Variants in ACOXL observed in about 807,000 individuals in gnomAD.
ACOXL encodes the protein acyl-coenzyme A oxidase-like protein.
In ACOXL, 70 loss-of-function variants were observed where a neutral mutation model predicts 71.9. The observed-to-expected ratio is 0.97, with a 90% CI of 0.80 to 1.19. The LOEUF is 1.19. ACOXL is among the 50% of genes most tolerant of loss of function. The pLI, the probability that ACOXL is intolerant of heterozygous loss-of-function variation, is 0.00. For synonymous variants in ACOXL, 253 were observed against 281.6 expected (o/e 0.90, Z 1.02); for missense variants, 703 against 736.3 (o/e 0.95, Z 0.52).
chr2:110,885,042 A>G (rs1304920513), intron 10 of ACOXL, among the ~76,000 whole-genome samples: 1 of 152,156 alleles, frequency 6.6e-6, no homozygotes, highest in Non-Finnish European at 1.5e-5. Context: ...AAAAATAATT[A>G]TGTGTGTGGT....
chr2:110,882,666 A>G (rs909218410), intron 10 of ACOXL, among the ~76,000 whole-genome samples: 3 of 152,132 alleles, frequency 2.0e-5, no homozygotes, highest in African/African-American at 2.4e-5. Context: ...AGTGTAAGGT[A>G]TGGGTCAAAA....
chr2:110,998,013 T>G (rs1469980028), intron 14 of ACOXL, among the ~76,000 whole-genome samples: 1 of 149,888 alleles, frequency 6.7e-6, no homozygotes, highest in Non-Finnish European at 1.5e-5. Context: ...ATCACACCAC[T>G]GCACTCCAGC....
intron 11 of ACOXL, among the ~76,000 whole-genome samples, chr2:110,924,407 A>AT (rs1367427104): frequency 4.6e-5 from 7 of 152,272 alleles, no homozygotes; most frequent in Admixed American, 1.3e-4. Context: ...CCACAGCAGA[A>AT]TTTTTTTCCA....
chr2:110,809,077 T>A (rs1462174124), intron 9 of ACOXL, among the ~76,000 whole-genome samples: 2 of 152,244 alleles, frequency 1.3e-5, no homozygotes, highest in Non-Finnish European at 2.9e-5. Context: ...TGCTCCCACA[T>A]ACCAGCCCCC....
At chr2:111,088,162 A>C (rs930948060) in intron 16 of ACOXL, among the ~76,000 whole-genome samples, 1 of 152,252 alleles carries the variant, frequency 6.6e-6, no homozygotes, top group Non-Finnish European at 1.5e-5. Flanking sequence ...GCAAGGTTGC[A>C]GAGAAAAAGG....
In ACOXL at chr2:110,933,636, A is replaced by G; in HGVS notation, c.1053A>G (p.Gly351=). ...TGCAGGACTGCCGCGAGTGCACTGG[A>G]GGCATGGTGAGCCCCAAGGCCTGCA... ...RCLQDCRECT[G]GMVVGRELLA... The change falls in exon 12 of 18, where the codon GGA becomes GGG. Residue 351 remains glycine (G), a synonymous_variant. Coordinates refer to ENST00000439055, the MANE Select transcript of ACOXL (RefSeq NM_001142807.4). 6.2e-7 allele frequency: 1 copy of G among 1,610,444 alleles called. No homozygotes were observed. Among genetic ancestry groups the G allele is most frequent in the Non-Finnish European group, 8.5e-7 (1 of 1,178,730 alleles).
At chr2:110,781,894 A>G (rs1011379171) in intron 2 of ACOXL, among the ~76,000 whole-genome samples, 1 of 152,118 alleles carries the variant, frequency 6.6e-6, no homozygotes, top group African/African-American at 2.4e-5. Flanking sequence ...GAAAACATAC[A>G]TTTTTTCAGA....
At chr2:111,117,566 G>A (rs1274459705) in intron 17 of ACOXL, 50 bp from the exon 18 acceptor site, 2 of 1,540,086 alleles carry the variant, frequency 1.3e-6, no homozygotes, top group Non-Finnish European at 1.8e-6. Flanking sequence ...TCACTAGATG[G>A]CTGTAAGTGT....
intron 12 of ACOXL, among the ~76,000 whole-genome samples, chr2:110,953,636 A>G (rs1322406325): frequency 6.6e-6 from 1 of 152,130 alleles, no homozygotes; most frequent in Non-Finnish European, 1.5e-5. Flanking sequence ...TTGTCAGTGT[A>G]TTCGTCCATT....
chr2:110,941,573 T>C (rs982749107), intron 12 of ACOXL, among the ~76,000 whole-genome samples: 2 of 152,122 alleles, frequency 1.3e-5, no homozygotes, highest in Non-Finnish European at 2.9e-5. Flanking sequence ...ATAATTTCTA[T>C]CTCCTATATC....
chr2:111,050,826 T>G (rs1167119773), intron 16 of ACOXL, among the ~76,000 whole-genome samples: 2 of 152,190 alleles, frequency 1.3e-5, no homozygotes, highest in East Asian at 3.8e-4. Flanking sequence ...CTGAGTTTCT[T>G]CACATCTAGA....
At chr2:110,968,261 C>CGG (rs2062019774) in intron 12 of ACOXL, 1 of 1,154,844 alleles carries the variant, frequency 8.7e-7, no homozygotes, top group Admixed American at 1.7e-5. Context: ...AGTGCCTTTA[C>CGG]CTGCTATTTG....
chr2:111,038,425 C>T lies in ACOXL; in HGVS notation c.1369+6711C>T, dbSNP rs1473012537. Among the ~76,000 whole-genome samples, 11 of 152,198 alleles carry T rather than the reference C, an allele frequency of 7.2e-5. No homozygotes were observed. The East Asian group carries it at 2.1e-3, about 29-fold the overall frequency. On this transcript the variant is annotated intron_variant, in intron 15 of 17. Coordinates refer to ENST00000439055, the MANE Select transcript of ACOXL (RefSeq NM_001142807.4). Reference sequence around the variant, plus strand: ...CCACTTTTTAAATGTGTTTTCGCTCCTTTGTTTCCCACTCTGTGATCAAAA... The same window carrying T: ...CCACTTTTTAAATGTGTTTTCGCTCTTTTGTTTCCCACTCTGTGATCAAAA...
At chr2:110,763,363 A>G (rs1425238192) in intron 1 of ACOXL, among the ~76,000 whole-genome samples, 1 of 152,268 alleles carries the variant, frequency 6.6e-6, no homozygotes, top group Admixed American at 6.5e-5. Flanking sequence ...CAGAATAGAA[A>G]GTCCAGAAAT....
intron 15 of ACOXL, among the ~76,000 whole-genome samples, chr2:111,037,233 C>G (rs764186972): frequency 1.3e-5 from 2 of 152,060 alleles, no homozygotes; most frequent in Non-Finnish European, 2.9e-5. Flanking sequence ...TAAGAAGACC[C>G]CAAATGCTGT....
intron 7 of ACOXL, among the ~76,000 whole-genome samples, chr2:110,800,012 G>T (rs1045770144): frequency 6.6e-6 from 1 of 152,166 alleles, no homozygotes; most frequent in Admixed American, 6.5e-5. Context: ...TGTAAAAAGG[G>T]CACTCTGATA....
At chr2:110,741,377 G>A (rs1471771372) in intron 1 of ACOXL, among the ~76,000 whole-genome samples, 1 of 152,094 alleles carries the variant, frequency 6.6e-6, no homozygotes, top group African/African-American at 2.4e-5. Flanking sequence ...TTGGCTTGTT[G>A]GTGGCTGTCT....
chr2:110,938,703 GAATA>G (rs1210730362), intron 12 of ACOXL, among the ~76,000 whole-genome samples: 1 of 148,688 alleles, frequency 6.7e-6, no homozygotes, highest in Non-Finnish European at 1.5e-5. Context: ...ATGAATGAAC[GAATA>G]AATGAATGAA....
chr2:110,882,844 A>G (rs1696826537), intron 10 of ACOXL, among the ~76,000 whole-genome samples: 1 of 152,212 alleles, frequency 6.6e-6, no homozygotes, highest in African/African-American at 2.4e-5. Context: ...TTGATAGTGC[A>G]TATTTCTCAG....
Sources: allele counts gnomAD v4.1 joint callset (sites outside exome capture counted in the v4.1 genomes callset), GRCh38; gene constraint gnomAD v4.1.1; transcripts MANE v1.5; gene names NCBI Gene and HGNC (gene_info 2026-07-23, HGNC 2026-07-21).